Variants in HECW1 observed in about 807,000 individuals in gnomAD.
HECW1 encodes the protein HECT, C2 and WW domain containing E3 ubiquitin protein ligase 1.
A neutral mutation model predicts 182.3 loss-of-function variants in HECW1; 61 were observed. That is an observed-to-expected ratio of 0.33 (90% CI 0.27 to 0.41). The LOEUF is 0.41. Among genes scored for constraint, HECW1 ranks in the 10% least tolerant of loss-of-function variants. HECW1 has a pLI of 1.00. For synonymous variants in HECW1, 859 were observed against 832.6 expected, an observed-to-expected ratio of 1.03 and a Z score of -0.55; for missense variants, 1,739 against 2,108.9, an observed-to-expected ratio of 0.82 and a Z score of 3.44.
intron 11 of HECW1, among the ~76,000 whole-genome samples, chr7:43,448,932 A>C (rs2077149619): frequency 6.6e-6 from 1 of 152,192 alleles, no homozygotes; most frequent in Non-Finnish European, 1.5e-5. Flanking sequence ...CTTGTGCAGA[A>C]TAGAACTGCT....
chr7:43,212,248 G>A (rs1211739942), intron 2 of HECW1, among the ~76,000 whole-genome samples: 1 of 152,120 alleles, frequency 6.6e-6, no homozygotes, highest in East Asian at 1.9e-4. Flanking sequence ...TCTCAGATTA[G>A]GGTTGTGTTA....
intron 24 of HECW1, among the ~76,000 whole-genome samples, chr7:43,540,310 C>T (rs1375288217): frequency 6.6e-6 from 1 of 152,132 alleles, no homozygotes; most frequent in Non-Finnish European, 1.5e-5. Flanking sequence ...AGAGTGGACA[C>T]CAGGAAGACT....
intron 5 of HECW1, among the ~76,000 whole-genome samples, chr7:43,327,363 C>T (rs1810931173): frequency 6.6e-6 from 1 of 152,194 alleles, no homozygotes; most frequent in African/African-American, 2.4e-5. Flanking sequence ...GCTGCCCACC[C>T]ACTTTAGCAC....
At position 43,444,969 on chromosome 7, in the gene HECW1, G is replaced by T; in HGVS notation, c.1797G>T (p.Gly599=). The T allele has an allele frequency of 3.2e-6, 5 of 1,565,954 alleles. No homozygotes were observed. Among genetic ancestry groups the T allele is most frequent in the Non-Finnish European group, 4.3e-6 (5 of 1,154,732 alleles). Residue 599 remains glycine (G), a synonymous_variant, in exon 11 of 30, where the codon GGG becomes GGT. Coordinates refer to ENST00000395891, the MANE Select transcript of HECW1 (RefSeq NM_015052.5). This position sits in a 1 kb window ranked among gnomAD's most constrained non-coding sequence, Gnocchi z 4.3. ...TCAAGGACTCCTCGGAGAAGGATGG[G>T]CTCAGCGAGGTGGACACGGTGGCCG... ...STLKDSSEKD[G]LSEVDTVAAD...
In HECW1 at chr7:43,442,583, T is replaced by C; in HGVS notation, c.999T>C (p.Ser333=). ...LGRRLPTDHV[S]GQLQFRFEIT... is the part of the protein sequence containing the mutation. ...GCAGGCTTCCAACAGATCATGTGAG[T>C]GGACAGCTGCAATTCCGATTTGAGA... is the stretch of plus-strand genomic sequence containing the variant. The change falls in exon 10 of 30, where the codon AGT becomes AGC. Residue 333 remains serine, a synonymous_variant. Transcript: ENST00000395891. 6.2e-7 allele frequency: 1 copy of C among 1,614,012 alleles called. No individual in the cohort carries two copies. The highest frequency in any genetic ancestry group is 8.5e-7 in the Non-Finnish European group (1 of 1,179,928).
intron 2 of HECW1, among the ~76,000 whole-genome samples, chr7:43,149,964 A>G (rs1012430833): frequency 6.6e-6 from 1 of 152,218 alleles, no homozygotes; most frequent in African/African-American, 2.4e-5. Flanking sequence ...GCTGAATGCA[A>G]TGCAATTCTA....
intron 2 of HECW1, among the ~76,000 whole-genome samples, chr7:43,200,470 CA>C (rs1183088066): frequency 1.3e-5 from 2 of 152,164 alleles, no homozygotes; most frequent in African/African-American, 4.8e-5. Context: ...ACCCGGCAGC[CA>C]AGTCAGATTT....
chr7:43,552,204 G>A lies in HECW1; in HGVS notation c.4396-18G>A. On this transcript the variant is annotated intron_variant, in intron 27 of 29. Transcript: ENST00000395891. ...CATGTGTTTGGACCTGGATGCTGAA[G>A]CCTAACCTGCATTTCAGGTTGTAGA... The A allele has an allele frequency of 1.3e-6, 2 of 1,516,480 alleles. No individual in the cohort carries two copies. Among genetic ancestry groups the A allele is most frequent in the South Asian group, 1.1e-5 (1 of 89,328 alleles). 93.9% of individuals were successfully genotyped at this position (1,516,480 alleles called of 1,614,324 possible).
chr7:43,152,241 C>T (rs1214948500), intron 2 of HECW1, among the ~76,000 whole-genome samples: 1 of 152,182 alleles, frequency 6.6e-6, no homozygotes, highest in Non-Finnish European at 1.5e-5. Context: ...CTCATTAAAA[C>T]CCATCAGAAT....
chr7:43,540,707 C>A (rs1313178450), intron 24 of HECW1, among the ~76,000 whole-genome samples: 2 of 152,208 alleles, frequency 1.3e-5, no homozygotes, highest in Non-Finnish European at 2.9e-5. Context: ...GGGCTCCATA[C>A]TCAAACCCTC....
chr7:43,121,093 G>T (rs1300944649), intron 2 of HECW1, among the ~76,000 whole-genome samples: 2 of 152,000 alleles, frequency 1.3e-5, no homozygotes, highest in Non-Finnish European at 2.9e-5. Flanking sequence ...CTTCCTTCCT[G>T]CCTGGACATT....
At chr7:43,507,069 C>CAA in intron 21 of HECW1, 68 bp from the exon 22 acceptor site, 5 of 1,557,562 alleles carry the variant, frequency 3.2e-6, no homozygotes, top group Non-Finnish European at 4.3e-6. Flanking sequence ...GACTCCTTCT[C>CAA]AAAAAAGAAA....
chr7:43,502,466 G>C (rs892839222), intron 21 of HECW1, among the ~76,000 whole-genome samples: 2 of 152,242 alleles, frequency 1.3e-5, no homozygotes, highest in South Asian at 4.1e-4. Context: ...AGACCAGCCT[G>C]GGCCATATAG....
rs1279431115 is a variant in HECW1 at position 43,531,543 on chromosome 7, C to T, written c.4020-9620C>T. Among the ~76,000 whole-genome samples, 4 of 152,186 alleles carry T rather than the reference C, an allele frequency of 2.6e-5. No homozygotes were observed. In the East Asian group the frequency reaches 7.7e-4, roughly 29 times the overall value. On this transcript the variant is annotated intron_variant, in intron 24 of 29. Transcript: ENST00000395891. ...AACCCAAACCTCCATGTCATGCCCT[C>T]CTCCACTGACCACTCCACTGCTCCC...
chr7:43,352,883 T>A (rs982216579), intron 5 of HECW1, among the ~76,000 whole-genome samples: 4 of 152,204 alleles, frequency 2.6e-5, no homozygotes, highest in Non-Finnish European at 4.4e-5. Flanking sequence ...TCAGGTCTCC[T>A]ATCATCATTG....
chr7:43,361,055 T>C, intron 6 of HECW1, 75 bp downstream of exon 6: 1 of 771,618 alleles, frequency 1.3e-6, no homozygotes, highest in Non-Finnish European at 2.1e-6. Flanking sequence ...TTCTTGTGCG[T>C]GCGTGTGTGT....
At chr7:43,489,452 T>C (rs1481026200) in intron 17 of HECW1, among the ~76,000 whole-genome samples, 1 of 152,198 alleles carries the variant, frequency 6.6e-6, no homozygotes, top group African/African-American at 2.4e-5. Context: ...TCTTTCATCT[T>C]TTGCTTTGTA....
At chr7:43,258,637 G>A (rs1401960409) in intron 3 of HECW1, 1 of 152,118 alleles carries the variant, frequency 6.6e-6, no homozygotes, top group Admixed American at 6.6e-5. Context: ...TAATGTATTG[G>A]CCCAGCAAAG....
Position 43,501,069 on chromosome 7 carries a change from T to C in HECW1, c.3522-144T>C, listed in dbSNP as rs537582785. 5.1e-5 allele frequency: 31 copies of C among 612,114 alleles called. No homozygotes were observed. In the African/African-American group the frequency reaches 5.4e-4, roughly 11 times the overall value. The allele number at this position is 612,114 out of a possible 1,614,324, so 37.9% of individuals were successfully genotyped here. ...AATTTGCAAGCAGCATGTACCTATC[T>C]TTCTGTACTACATTTAAATCTAATT... On this transcript the variant is annotated intron_variant, in intron 20 of 29. Transcript: ENST00000395891.
Sources: allele counts gnomAD v4.1 joint callset (sites outside exome capture counted in the v4.1 genomes callset), GRCh38; gene constraint gnomAD v4.1.1; non-coding constraint Gnocchi (gnomAD v3.1); transcripts MANE v1.5; gene names NCBI Gene and HGNC (gene_info 2026-07-23, HGNC 2026-07-21).